LRBA: variants seen among roughly 807,000 people sequenced by gnomAD.
LRBA encodes LPS responsive beige-like anchor protein, also known as lipopolysaccharide-responsive and beige-like anchor protein.
Under a neutral mutation model 330.0 loss-of-function variants are expected in LRBA, and 176 were observed. That is an observed-to-expected ratio of 0.53 (90% CI 0.47 to 0.60). The LOEUF is 0.60. Ranked by LOEUF, LRBA falls within the 20% of genes least tolerant of loss-of-function variation. The probability of loss-of-function intolerance (pLI) is 0.00; values close to 1 mark genes in which losing one functional copy is unlikely to be tolerated. For missense variants in LRBA, 3,259 were observed against 3,444.8 expected (o/e 0.95, Z 1.35); for synonymous variants, 1,230 against 1,193.0 (o/e 1.03, Z -0.64).
At chr4:150,455,524 TA>T (rs1753954569) in intron 44 of LRBA, among the ~76,000 whole-genome samples, 1 of 152,120 alleles carries the variant, frequency 6.6e-6, no homozygotes, top group Non-Finnish European at 1.5e-5. Context: ...CAATGTTTTT[TA>T]ATTTTTAATT....
intron 30 of LRBA, among the ~76,000 whole-genome samples, chr4:150,822,611 T>G (rs978706345): frequency 6.6e-6 from 1 of 151,590 alleles, no homozygotes; most frequent in Non-Finnish European, 1.5e-5. Context: ...TACAAAAAAT[T>G]TTTTAAATAG....
intron 2 of LRBA, among the ~76,000 whole-genome samples, chr4:150,947,442 T>G (rs923127082): frequency 6.6e-6 from 1 of 152,088 alleles, no homozygotes; most frequent in Non-Finnish European, 1.5e-5. Context: ...CACACGATCA[T>G]ATCAACTGAT....
At chr4:150,992,581 T>C (rs888129166) in intron 2 of LRBA, among the ~76,000 whole-genome samples, 2 of 152,318 alleles carry the variant, frequency 1.3e-5, no homozygotes, top group Non-Finnish European at 2.9e-5. Context: ...AAGAACAGTT[T>C]TGAAGGGTGT....
chr4:150,735,189 C>T (rs990853116), intron 36 of LRBA, 69 bp downstream of exon 36: 22 of 1,158,070 alleles, frequency 1.9e-5, no homozygotes, highest in South Asian at 2.5e-5. Flanking sequence ...GCCATTTTAC[C>T]GGGACAATTT....
chr4:150,584,366 G>A, intron 40 of LRBA: 1 of 325,768 alleles, frequency 3.1e-6, no homozygotes, highest in East Asian at 5.6e-5. Context: ...AGAAGCAATC[G>A]GGCTCCGCCA....
intron 2 of LRBA, among the ~76,000 whole-genome samples, chr4:150,946,671 T>C (rs1040664929): frequency 5.9e-5 from 9 of 151,960 alleles, no homozygotes; most frequent in African/African-American, 2.2e-4. Context: ...AATCTAAGTT[T>C]CCATTTTAAA....
chr4:150,711,847 G>A (rs1433210950), intron 36 of LRBA, among the ~76,000 whole-genome samples: 1 of 152,102 alleles, frequency 6.6e-6, no homozygotes, highest in Non-Finnish European at 1.5e-5. Context: ...AAAAATACAG[G>A]AACAGAGGCA....
chr4:150,801,243 A>G (rs1216966250), intron 33 of LRBA, among the ~76,000 whole-genome samples: 3 of 152,222 alleles, frequency 2.0e-5, no homozygotes, highest in Non-Finnish European at 4.4e-5. Context: ...TATACTCCAA[A>G]TGAGCATTAT....
chr4:150,337,158 T>C (rs1302452013), intron 48 of LRBA, among the ~76,000 whole-genome samples: 1 of 152,110 alleles, frequency 6.6e-6, no homozygotes, highest in Non-Finnish European at 1.5e-5. Flanking sequence ...CAAACAAATA[T>C]GTTTAAACTA....
chr4:150,681,518 G>A (rs1783056569), intron 37 of LRBA, among the ~76,000 whole-genome samples: 1 of 152,168 alleles, frequency 6.6e-6, no homozygotes, highest in Non-Finnish European at 1.5e-5. Flanking sequence ...ATAAGTAACA[G>A]TTGAATATGA....
chr4:150,981,898 G>A (rs1273636670), intron 2 of LRBA, among the ~76,000 whole-genome samples: 1 of 151,334 alleles, frequency 6.6e-6, no homozygotes, highest in South Asian at 2.1e-4. Context: ...GGGAGGCGGA[G>A]GTTGCAGGGA....
At chr4:150,879,466 G>A (rs1230463934) in intron 17 of LRBA, among the ~76,000 whole-genome samples, 3 of 152,066 alleles carry the variant, frequency 2.0e-5, no homozygotes, top group Non-Finnish European at 2.9e-5. Context: ...CAAGAAAAGG[G>A]TGCCTACTCT....
intron 40 of LRBA, among the ~76,000 whole-genome samples, chr4:150,568,481 A>T (rs1026711356): frequency 2.0e-4 from 30 of 152,168 alleles, no homozygotes; most frequent in African/African-American, 5.8e-4. Flanking sequence ...ATATTTATTG[A>T]ATCTCCACTG....
chr4:150,555,725 T>C (rs988412091), intron 40 of LRBA, among the ~76,000 whole-genome samples: 5 of 150,718 alleles, frequency 3.3e-5, no homozygotes, highest in Non-Finnish European at 5.9e-5. Flanking sequence ...CACTCCAGCC[T>C]GGGTAACAGA....
chr4:150,929,389 G>C (rs1402551867), intron 2 of LRBA, among the ~76,000 whole-genome samples: 1 of 152,172 alleles, frequency 6.6e-6, no homozygotes, highest in Non-Finnish European at 1.5e-5. Flanking sequence ...TTTCATTTAT[G>C]AAGTATCAAA....
At chr4:150,559,839 TATA>T (rs1767981737) in intron 40 of LRBA, among the ~76,000 whole-genome samples, 1 of 25,480 alleles carries the variant, frequency 3.9e-5, no homozygotes, top group Non-Finnish European at 8.4e-5. Context: ...TAAAATATAA[TATA>T]TATAATAATA....
intron 37 of LRBA, among the ~76,000 whole-genome samples, chr4:150,674,243 A>G (rs145776257): frequency 6.6e-6 from 1 of 152,070 alleles, no homozygotes; most frequent in East Asian, 1.9e-4. Flanking sequence ...GTAAAGGTAA[A>G]AATCATTAGG....
intron 36 of LRBA, among the ~76,000 whole-genome samples, chr4:150,722,554 AG>A (rs550216655): frequency 2.6e-5 from 4 of 152,132 alleles, no homozygotes; most frequent in Non-Finnish European, 5.9e-5. Context: ...AGAAAATAAA[AG>A]GAACATACAA....
intron 37 of LRBA, 36 bp from the exon 38 acceptor site, chr4:150,599,167 T>G: frequency 6.2e-7 from 1 of 1,611,054 alleles, no homozygotes; most frequent in Non-Finnish European, 8.5e-7. Context: ...ATGTTAGCAA[T>G]TATCAAACAG....
Sources: allele counts gnomAD v4.1 joint callset (sites outside exome capture counted in the v4.1 genomes callset), GRCh38; gene constraint gnomAD v4.1.1; transcripts MANE v1.5; gene names NCBI Gene and HGNC (gene_info 2026-07-23, HGNC 2026-07-21).